The following TEF variants were observed in gnomAD, a reference collection of about 807,000 sequenced individuals.
TEF encodes the protein TEF transcription factor, PAR bZIP family member, also known as thyrotroph embryonic factor.
Under a neutral mutation model 20.8 loss-of-function variants are expected in TEF, and 3 were observed. The observed-to-expected ratio is 0.14, with a 90% CI of 0.07 to 0.37. The LOEUF (loss-of-function observed/expected upper bound fraction) is 0.37. Ranked by LOEUF, TEF falls within the 10% of genes least tolerant of loss-of-function variation. The probability of loss-of-function intolerance (pLI) is 1.00; values close to 1 mark genes in which losing one functional copy is unlikely to be tolerated. For missense variants in TEF, 296 were observed against 397.9 expected (o/e 0.74, Z 2.18); for synonymous variants, 180 against 171.1 (o/e 1.05, Z -0.41).
At chr22:41,375,603 T>A (rs1011839914) in intron 1 of TEF, among the ~76,000 whole-genome samples, 16 of 151,692 alleles carry the variant, frequency 1.1e-4, no homozygotes, top group Admixed American at 4.6e-4. Flanking sequence ...ACAAAAAAAT[T>A]AGCCGGGCTA....
Position 41,394,142 on chromosome 22 carries a change from C to G in TEF, c.522C>G (p.Pro174=), listed in dbSNP as rs777276656. The G allele has an allele frequency of 6.2e-7, 1 of 1,614,114 alleles. No individual in the cohort carries two copies. The highest frequency in any genetic ancestry group is 1.1e-5 in the South Asian group (1 of 91,084). ...GGGAGACTCCCAGTCCCATCGACCC[C>G]AATTGTGTGGAAGTGGATGTGAACT... The part of the protein sequence containing the change: ...KERETPSPID[P]NCVEVDVNFN... Residue 174 remains proline, a synonymous_variant, in exon 3 of 4, where the codon CCC becomes CCG. Transcript: ENST00000266304.
chr22:41,393,384 CTG>C (rs1265183031), intron 2 of TEF, among the ~76,000 whole-genome samples: 3 of 151,038 alleles, frequency 2.0e-5, no homozygotes, highest in African/African-American at 4.9e-5. Context: ...ATTCTTCAGT[CTG>C]TGTCTGCCTG....
At position 41,396,071 on chromosome 22, in the gene TEF, C is replaced by T. The variant is rs963650721; in HGVS notation, c.*111C>T. The stretch of plus-strand genomic sequence containing the variant: ...CTTATGACTCGTCGTGGGCGCATGG[C>T]GGCGCACCTGCTGCAGGAGCGGCCA... On this transcript the variant is annotated 3_prime_UTR_variant, in exon 4 of 4. Coordinates refer to ENST00000266304, the MANE Select transcript of TEF (RefSeq NM_003216.4). 13 of 1,209,092 alleles carry T rather than the reference C, an allele frequency of 1.1e-5. No individual in the cohort carries two copies. Among genetic ancestry groups the T allele is most frequent in the African/African-American group, 1.5e-5 (1 of 65,758 alleles). The allele number at this position is 1,209,092 out of a possible 1,614,324, so 74.9% of individuals were successfully genotyped here. A position where few individuals can be genotyped will look rare whatever the true frequency, so the allele number is the denominator to read the frequency against.
At chr22:41,391,535 C>A (rs112228818) in intron 2 of TEF, among the ~76,000 whole-genome samples, 1 of 151,516 alleles carries the variant, frequency 6.6e-6, no homozygotes, top group Non-Finnish European at 1.5e-5. Context: ...AGGCTGGTCT[C>A]GAACTCCTGA....
intron 1 of TEF, chr22:41,369,273 G>A (rs2036853570): frequency 6.1e-6 from 6 of 984,758 alleles, no homozygotes; most frequent in Non-Finnish European, 7.2e-6. Context: ...CCTCACTGTG[G>A]ATGAGCAAAG....
rs536107495 is a variant in TEF at position 41,397,939 on chromosome 22, A to G, written c.*1979A>G. On this transcript the variant is annotated 3_prime_UTR_variant, in exon 4 of 4. Coordinates refer to ENST00000266304, the MANE Select transcript of TEF (RefSeq NM_003216.4). ...CAGTTTTATTTTTTTAAGGATGGAC[A>G]CTAAATCTCTGGTGTCCATGTTCCG... 1.3e-5 allele frequency: 2 copies of G among 152,274 alleles called. No individual in the cohort carries two copies. The highest frequency in any genetic ancestry group is 4.8e-5 in the African/African-American group (2 of 41,542). The allele number at this position is 152,274 out of a possible 1,614,324, so 9.4% of individuals were successfully genotyped here.
intron 2 of TEF, among the ~76,000 whole-genome samples, chr22:41,393,349 A>G (rs2037189472): frequency 1.3e-5 from 2 of 151,894 alleles, no homozygotes; most frequent in Non-Finnish European, 2.9e-5. Flanking sequence ...TCAAAAAAAA[A>G]AAAAAAAAAT....
At chr22:41,387,782 T>G in intron 2 of TEF, 114 bp downstream of exon 2, 5 of 1,090,974 alleles carry the variant, frequency 4.6e-6, no homozygotes, top group Non-Finnish European at 6.5e-6. Context: ...GGGGAGGTCC[T>G]GGTGGGGCTG....
chr22:41,368,168 C>T (rs2036842836), intron 1 of TEF, among the ~76,000 whole-genome samples: 1 of 152,162 alleles, frequency 6.6e-6, no homozygotes, highest in Non-Finnish European at 1.5e-5. Context: ...AGGGCGTGGA[C>T]TGAGGGGCAG....
At chr22:41,382,351 G>A in intron 1 of TEF, 150 bp downstream of exon 1, 1 of 703,744 alleles carries the variant, frequency 1.4e-6, no homozygotes, top group Non-Finnish European at 2.0e-6. Flanking sequence ...CCTGGAGGAC[G>A]AGGCCGGGGG....
intron 1 of TEF, among the ~76,000 whole-genome samples, chr22:41,375,968 A>G (rs1298353129): frequency 6.6e-6 from 1 of 152,120 alleles, no homozygotes; most frequent in African/African-American, 2.4e-5. Context: ...AGCTCAATGG[A>G]AGAAGCCTTA....
chr22:41,382,056 G>C lies in TEF; in HGVS notation c.12G>C (p.Ala4=), dbSNP rs1242641070. Residue 4 remains alanine (A), a synonymous_variant, in exon 1 of 4, where the codon GCG becomes GCC. Transcript: ENST00000266304. The part of the protein sequence containing the change: MSD[A]GGGKKPPVDP... ...GAGTCCGGGGCACGATGTCCGACGC[G>C]GGCGGCGGAAAGAAGCCGCCTGTGG... The C allele has an allele frequency of 1.6e-6, 2 of 1,231,268 alleles. No homozygotes were observed. Among genetic ancestry groups the C allele is most frequent in the Non-Finnish European group, 2.0e-6 (2 of 987,566 alleles). 76.3% of individuals were successfully genotyped at this position (1,231,268 alleles called of 1,614,324 possible). A position where few individuals can be genotyped will look rare whatever the true frequency, so the allele number is the denominator to read the frequency against.
chr22:41,381,509 C>CGCCA (rs1390558965), upstream of TEF, among the ~76,000 whole-genome samples: 4 of 152,324 alleles, frequency 2.6e-5, no homozygotes, highest in South Asian at 2.1e-4. Context: ...CCGGCCTGGC[C>CGCCA]GCTCCGAGCT....
At chr22:41,369,832 G>A in intron 1 of TEF, 1 of 917,360 alleles carries the variant, frequency 1.1e-6, no homozygotes, top group Non-Finnish European at 1.3e-6. Flanking sequence ...GATGCCCTCA[G>A]GTCCGCGTGC....
intron 1 of TEF, chr22:41,383,048 G>T (rs976550010): frequency 1.3e-5 from 6 of 470,894 alleles, no homozygotes; most frequent in African/African-American, 1.2e-4. Flanking sequence ...AGGGCCGCCT[G>T]TGGTGGGGTT....
At chr22:41,395,669 C>A in intron 3 of TEF, 76 bp from the exon 4 acceptor site, 1 of 1,444,588 alleles carries the variant, frequency 6.9e-7, no homozygotes, top group Non-Finnish European at 9.6e-7. Context: ...TTAGGGGAAT[C>A]CAGGTGGTGG....
At position 41,397,855 on chromosome 22, in the gene TEF, G is replaced by C. The variant is rs969185477; in HGVS notation, c.*1895G>C. ...TTCTCATTTTGTTATTAGTGGAAGA[G>C]CCTTGAGCTTAAAAGCTCTTCATTT... On this transcript the variant is annotated 3_prime_UTR_variant, in exon 4 of 4. Transcript: ENST00000266304. 2.6e-5 allele frequency: 4 copies of C among 152,226 alleles called. No individual in the cohort carries two copies. Among genetic ancestry groups the C allele is most frequent in the Non-Finnish European group, 5.9e-5 (4 of 68,046 alleles). 9.4% of individuals were successfully genotyped at this position (152,226 alleles called of 1,614,324 possible). A position where few individuals can be genotyped will look rare whatever the true frequency, so the allele number is the denominator to read the frequency against.
In TEF at chr22:41,385,692, G is replaced by GT. The variant is rs754137772; in HGVS notation, c.158-1652dup. 6.1e-4 allele frequency among the ~76,000 whole-genome samples: 92 copies of GT among 152,032 alleles called. 1 individual carries two copies. In the South Asian group the frequency reaches 0.01, roughly 17 times the overall value. ...TACAGCCTATTCTGTTTTTGTTTTT[G>GT]TTTTTTTGTGACGGAGTTTCACTCT... On this transcript the variant is annotated intron_variant, in intron 1 of 3. Transcript: ENST00000266304.
chr22:41,387,864 A>G (rs538287183), intron 2 of TEF, among the ~76,000 whole-genome samples, 196 bp downstream of exon 2: 185 of 151,780 alleles, frequency 1.2e-3, no homozygotes, highest in Non-Finnish European at 2.2e-3. Flanking sequence ...AATAGTGGTC[A>G]TGTCACTGGC....
Sources: gnomAD v4.1 joint callset for allele counts (sites outside exome capture counted in the v4.1 genomes callset) on GRCh38, gnomAD v4.1.1 for gene constraint, MANE v1.5 for transcripts, NCBI Gene and HGNC (gene_info 2026-07-23, HGNC 2026-07-21) for gene names.